Variants in PPP1R1C observed in about 807,000 individuals in gnomAD.
PPP1R1C encodes protein phosphatase 1 regulatory inhibitor subunit 1C.
PPP1R1C carries 15 observed loss-of-function variants against 17.4 expected under a neutral mutation model. The ratio of observed to expected loss-of-function variants is 0.86; its 90% CI spans 0.58 to 1.33. The LOEUF is 1.33. Among genes scored for constraint, PPP1R1C ranks in the 40% most tolerant of loss-of-function variants. The pLI is 0.00. For missense variants in PPP1R1C, 143 were observed against 130.0 expected (o/e 1.10, Z -0.48); for synonymous variants, 35 against 43.1 (o/e 0.81, Z 0.73).
Position 181,972,367 on chromosome 2 carries a change from T to C in PPP1R1C, n.112-2852T>C, listed in dbSNP as rs540952870. The stretch of plus-strand genomic sequence containing the variant: ...ATGGCGAACAAATAGATGATTTCAC[T>C]GTGGCAGATGAGTGAAGCCTGTGGA... On this transcript the variant is annotated intron_variant and non_coding_transcript_variant, in intron 1 of 5. Transcript: ENST00000464264. 3.3e-4 allele frequency among the ~76,000 whole-genome samples: 51 copies of C among 152,358 alleles called. No individual in the cohort carries two copies. The South Asian group carries it at 5.2e-3, about 15-fold the overall frequency.
At chr2:182,064,999 T>C (rs1225777184) in intron 4 of PPP1R1C, among the ~76,000 whole-genome samples, 1 of 152,118 alleles carries the variant, frequency 6.6e-6, no homozygotes, top group East Asian at 1.9e-4. Context: ...AATAATACTA[T>C]TATTTTTAAA....
intron 2 of PPP1R1C, among the ~76,000 whole-genome samples, chr2:182,033,210 C>T (rs562545228): frequency 6.6e-6 from 1 of 152,236 alleles, no homozygotes; most frequent in East Asian, 1.9e-4. Context: ...TGCTCTGCTC[C>T]TAAGTTTCCT....
chr2:181,963,606 C>T (rs1002151315), intron 1 of PPP1R1C, among the ~76,000 whole-genome samples: 1 of 152,164 alleles, frequency 6.6e-6, no homozygotes, highest in Non-Finnish European at 1.5e-5. Flanking sequence ...GATTGGGCCA[C>T]TGCACTCCAG....
intron 2 of PPP1R1C, among the ~76,000 whole-genome samples, chr2:182,000,773 G>T (rs1193689390): frequency 6.6e-6 from 1 of 152,088 alleles, no homozygotes; most frequent in Non-Finnish European, 1.5e-5. Flanking sequence ...TTCAGTGATT[G>T]GATCTATTAA....
chr2:182,092,228 G>A (rs752937223), intron 4 of PPP1R1C, among the ~76,000 whole-genome samples: 7 of 152,194 alleles, frequency 4.6e-5, no homozygotes, highest in Admixed American at 2.6e-4. Context: ...GCAGCAGACA[G>A]AAAGAGAACT....
chr2:181,992,641 TA>T (rs1685503210), intron 2 of PPP1R1C, among the ~76,000 whole-genome samples: 1 of 134,892 alleles, frequency 7.4e-6, no homozygotes, highest in African/African-American at 2.8e-5. Context: ...TGACGTCATT[TA>T]AAAGCTCACT....
intron 1 of PPP1R1C, among the ~76,000 whole-genome samples, chr2:181,955,699 G>A (rs910637962): frequency 1.3e-5 from 2 of 152,122 alleles, no homozygotes; most frequent in South Asian, 2.1e-4. Flanking sequence ...TTTTTTGGGG[G>A]AAATTTAAAT....
chr2:182,068,996 A>C (rs1688067817), intron 4 of PPP1R1C, among the ~76,000 whole-genome samples: 1 of 152,204 alleles, frequency 6.6e-6, no homozygotes, highest in Non-Finnish European at 1.5e-5. Flanking sequence ...TACCCGTCGC[A>C]CATTGAAAAT....
intron 4 of PPP1R1C, among the ~76,000 whole-genome samples, chr2:182,070,639 G>T (rs1253468097): frequency 6.6e-6 from 1 of 152,154 alleles, no homozygotes; most frequent in African/African-American, 2.4e-5. Context: ...TATGTCTCAT[G>T]TTAGTATGGC....
At chr2:182,017,029 T>G (rs1471323255) in intron 2 of PPP1R1C, among the ~76,000 whole-genome samples, 1 of 152,206 alleles carries the variant, frequency 6.6e-6, no homozygotes, top group Non-Finnish European at 1.5e-5. Flanking sequence ...CAGTATATAG[T>G]TTACCCATCT....
intron 2 of PPP1R1C, among the ~76,000 whole-genome samples, chr2:182,024,803 T>C (rs7564741): frequency 0.057 from 8,670 of 151,870 alleles, 854 homozygotes; most frequent in African/African-American, 0.2. Flanking sequence ...TGCAGTGAGC[T>C]GAGATCATGC....
chr2:181,991,698 G>A (rs1418355867), intron 2 of PPP1R1C, among the ~76,000 whole-genome samples: 1 of 152,156 alleles, frequency 6.6e-6, no homozygotes, highest in Non-Finnish European at 1.5e-5. Context: ...ACCAACATGA[G>A]TGACCTTTGT....
At chr2:182,077,209 T>C (rs1688340211) in intron 4 of PPP1R1C, among the ~76,000 whole-genome samples, 1 of 149,760 alleles carries the variant, frequency 6.7e-6, no homozygotes, top group Admixed American at 6.6e-5. Context: ...TATGTAAACA[T>C]TGCTACATTA....
At chr2:181,998,661 G>A (rs1685680752) in intron 2 of PPP1R1C, among the ~76,000 whole-genome samples, 1 of 152,144 alleles carries the variant, frequency 6.6e-6, no homozygotes, top group African/African-American at 2.4e-5. Context: ...TTATTTTTGT[G>A]GAGGGCTCAT....
At chr2:182,021,380 T>C (rs1227701018) in intron 2 of PPP1R1C, among the ~76,000 whole-genome samples, 2 of 139,094 alleles carry the variant, frequency 1.4e-5, no homozygotes, top group African/African-American at 5.4e-5. Flanking sequence ...CAGGCTGGAG[T>C]GCAGTGGCAC....
chr2:182,033,219 C>G (rs920825489), intron 2 of PPP1R1C, among the ~76,000 whole-genome samples: 44 of 152,206 alleles, frequency 2.9e-4, no homozygotes, highest in African/African-American at 1.0e-3. Context: ...CCTAAGTTTC[C>G]TACCACACAA....
At chr2:182,119,908 T>G (rs1376249602), downstream of PPP1R1C, among the ~76,000 whole-genome samples, 9 of 152,348 alleles carry the variant, frequency 5.9e-5, no homozygotes, top group Admixed American at 5.9e-4. Flanking sequence ...GTCTTTAGTT[T>G]AATTAGATCC....
intron 1 of PPP1R1C, among the ~76,000 whole-genome samples, chr2:181,956,249 T>C (rs1007190491): frequency 6.6e-6 from 1 of 152,224 alleles, no homozygotes; most frequent in African/African-American, 2.4e-5. Flanking sequence ...TATGGCTGCA[T>C]AGTATTCCAT....
At chr2:182,065,198 A>G (rs1687952298) in intron 4 of PPP1R1C, among the ~76,000 whole-genome samples, 1 of 152,100 alleles carries the variant, frequency 6.6e-6, no homozygotes, top group South Asian at 2.1e-4. Flanking sequence ...TCATAAGTTA[A>G]TGGCTTGAGA....
Sources: allele counts gnomAD v4.1 joint callset (sites outside exome capture counted in the v4.1 genomes callset), GRCh38; gene constraint gnomAD v4.1.1; transcripts MANE v1.5; gene names NCBI Gene and HGNC (gene_info 2026-07-23, HGNC 2026-07-21).